Variants in SNX29 observed in about 807,000 individuals in gnomAD.
SNX29 encodes sorting nexin 29.
A neutral mutation model predicts 102.1 loss-of-function variants in SNX29; 78 were observed. The observed-to-expected ratio is 0.76, with a 90% CI of 0.64 to 0.92. The LOEUF (loss-of-function observed/expected upper bound fraction) is 0.92, where lower values mean the gene tolerates loss of function less well. Among genes scored for constraint, SNX29 ranks in the 40% least tolerant of loss-of-function variants. The pLI is 0.00. For missense variants in SNX29, 1,280 were observed against 1,061.7 expected, an observed-to-expected ratio of 1.21 and a Z score of -2.86; for synonymous variants, 580 against 414.5, an observed-to-expected ratio of 1.40 and a Z score of -4.85.
chr16:12,544,396 T>A (rs2077489336), intron 20 of SNX29, among the ~76,000 whole-genome samples: 1 of 152,192 alleles, frequency 6.6e-6, no homozygotes. Context: ...GTGAGGTGGT[T>A]CTGCTAAAAC....
intron 20 of SNX29, among the ~76,000 whole-genome samples, chr16:12,553,159 G>T (rs1282719931): frequency 1.3e-5 from 2 of 152,206 alleles, no homozygotes; most frequent in Non-Finnish European, 2.9e-5. Flanking sequence ...GGTCCTTCCT[G>T]GGATTTTTGG....
At chr16:12,554,492 C>G (rs538314956) in intron 20 of SNX29, among the ~76,000 whole-genome samples, 5 of 152,220 alleles carry the variant, frequency 3.3e-5, no homozygotes, top group Admixed American at 6.5e-5. Context: ...GAGTGGTTTC[C>G]AAGCTTCCTC....
At chr16:12,501,396 G>A (rs1419283237) in intron 19 of SNX29, among the ~76,000 whole-genome samples, 2 of 151,318 alleles carry the variant, frequency 1.3e-5, no homozygotes, top group South Asian at 2.1e-4. Flanking sequence ...AGAGTGAAAC[G>A]CTATCTCTTT....
At chr16:12,109,920 A>G (rs111656507) in intron 11 of SNX29, among the ~76,000 whole-genome samples, 118 of 152,166 alleles carry the variant, frequency 7.8e-4, no homozygotes, top group African/African-American at 2.8e-3. Context: ...TAGTAGAGAC[A>G]GAGTTTCACC....
intron 14 of SNX29, among the ~76,000 whole-genome samples, chr16:12,273,198 C>G (rs2079143061): frequency 6.6e-6 from 1 of 152,092 alleles, no homozygotes; most frequent in Admixed American, 6.6e-5. Flanking sequence ...GCCTTCTGGC[C>G]TACTCTAGCC....
In SNX29 at chr16:12,524,804, A is replaced by T. The variant is rs1462649595; in HGVS notation, c.2281A>T (p.Lys761Ter). ...GGTCCCCGAGTTCGCTGCCAGCCCC[A>T]AGAAGGAGACCCTCATCCAGCTGAT... Reference protein sequence around the residue: ...QMVPEFAASPKKETLIQLMPF... With the variant: ...QMVPEFAASP The change falls in exon 20 of 21, where the codon AAG becomes TAG. Residue 761 changes from lysine to a stop codon, truncating the protein, a stop_gained. Coordinates refer to ENST00000566228, the MANE Select transcript of SNX29 (RefSeq NM_032167.5). LOFTEE classifies it high-confidence loss of function. 9.3e-6 allele frequency: 15 copies of T among 1,613,564 alleles called. No individual in the cohort carries two copies. The highest frequency in any genetic ancestry group is 1.3e-5 in the Non-Finnish European group (15 of 1,179,780).
chr16:12,156,411 T>C (rs965457235), intron 13 of SNX29, among the ~76,000 whole-genome samples: 2 of 152,200 alleles, frequency 1.3e-5, no homozygotes, highest in African/African-American at 4.8e-5. Context: ...CCTCAGGTGA[T>C]CCGCCCACCT....
Position 12,570,226 on chromosome 16 carries a change from C to A in SNX29, c.*1597C>A. On this transcript the variant is annotated 3_prime_UTR_variant, in exon 21 of 21. Coordinates refer to ENST00000566228, the MANE Select transcript of SNX29 (RefSeq NM_032167.5). ...AAGGGGACCTGGGGCCAGATAAGCC[C>A]TGCCCCGGTGAGACCAAATGAGCTG... The A allele has an allele frequency of 9.4e-7, 1 of 1,065,356 alleles. No individual in the cohort carries two copies. The allele number at this position is 1,065,356 out of a possible 1,614,324, so 66.0% of individuals were successfully genotyped here.
At chr16:12,189,470 G>A (rs1340103973) in intron 13 of SNX29, among the ~76,000 whole-genome samples, 1 of 152,042 alleles carries the variant, frequency 6.6e-6, no homozygotes, top group Non-Finnish European at 1.5e-5. Context: ...GATTAGATTC[G>A]GTTTATGCAT....
chr16:12,002,119 T>C (rs1201008224), intron 2 of SNX29, among the ~76,000 whole-genome samples: 1 of 152,080 alleles, frequency 6.6e-6, no homozygotes, highest in Non-Finnish European at 1.5e-5. Flanking sequence ...TGGCAATGTT[T>C]ATGTTATCTA....
At chr16:12,329,056 G>T (rs1044274839) in intron 15 of SNX29, among the ~76,000 whole-genome samples, 2 of 151,974 alleles carry the variant, frequency 1.3e-5, no homozygotes, top group Non-Finnish European at 2.9e-5. Context: ...AGGATGGCTT[G>T]AGGTCAGGAG....
chr16:12,502,263 T>G (rs541247502), intron 19 of SNX29, among the ~76,000 whole-genome samples: 1 of 152,116 alleles, frequency 6.6e-6, no homozygotes, highest in African/African-American at 2.4e-5. Flanking sequence ...TCAGAGTACT[T>G]GGGTTTGAAT....
intron 13 of SNX29, among the ~76,000 whole-genome samples, chr16:12,182,732 C>G (rs1255325473): frequency 6.6e-6 from 1 of 151,904 alleles, no homozygotes; most frequent in Non-Finnish European, 1.5e-5. Context: ...GAGTTCGAGA[C>G]CAGCCTGACC....
intron 7 of SNX29, 46 bp downstream of exon 7, chr16:12,048,666 G>A: frequency 1.2e-6 from 2 of 1,613,902 alleles, no homozygotes; most frequent in South Asian, 1.1e-5. Flanking sequence ...GAATCAGAAT[G>A]TGGCGGATGG....
intron 19 of SNX29, among the ~76,000 whole-genome samples, chr16:12,489,174 A>T (rs1020445519): frequency 6.6e-6 from 1 of 152,120 alleles, no homozygotes; most frequent in African/African-American, 2.4e-5. Context: ...AATAATTGCT[A>T]CCTTTCCCTT....
chr16:12,135,842 A>C (rs1414131525), intron 13 of SNX29: 1 of 355,898 alleles, frequency 2.8e-6, no homozygotes, highest in Non-Finnish European at 5.4e-6. Flanking sequence ...CTCTGCACCT[A>C]AGTAGACATG....
chr16:12,002,857 A>G (rs1336040024), intron 2 of SNX29, 134 bp from the exon 3 acceptor site: 5 of 886,184 alleles, frequency 5.6e-6, no homozygotes, highest in Admixed American at 2.3e-5. Flanking sequence ...GGGGACAGGG[A>G]CGTCCTCACT....
At chr16:12,536,376 A>ATGAC (rs2077081342) in intron 20 of SNX29, among the ~76,000 whole-genome samples, 1 of 151,964 alleles carries the variant, frequency 6.6e-6, no homozygotes, top group East Asian at 1.9e-4. Flanking sequence ...AAGCTTGTTT[A>ATGAC]TGACTTTCAC....
intron 18 of SNX29, among the ~76,000 whole-genome samples, chr16:12,455,524 C>T (rs1000858015): frequency 6.6e-6 from 1 of 152,222 alleles, no homozygotes; most frequent in South Asian, 2.1e-4. Context: ...GCCAGTGTTC[C>T]TTGTCTCTTC....
Sources: allele counts gnomAD v4.1 joint callset (sites outside exome capture counted in the v4.1 genomes callset), GRCh38; gene constraint gnomAD v4.1.1; transcripts MANE v1.5; gene names NCBI Gene and HGNC (gene_info 2026-07-23, HGNC 2026-07-21).